The following ZIK1 variants were observed in gnomAD, a reference collection of about 807,000 sequenced individuals.
ZIK1 encodes the protein zinc finger protein interacting with ribonucleoprotein K.
ZIK1 carries 12 observed loss-of-function variants against 10.7 expected under a neutral mutation model. That is an observed-to-expected ratio of 1.12 (90% CI 0.72 to 1.81). ZIK1 has a LOEUF of 1.81. Ranked by LOEUF, ZIK1 falls within the 40% of genes most tolerant of loss-of-function variation. The pLI is 0.00. For missense variants in ZIK1, 497 were observed against 585.7 expected (o/e 0.85, Z 1.56); for synonymous variants, 190 against 205.0 (o/e 0.93, Z 0.63).
Position 57,590,039 on chromosome 19 carries a change from G to A in ZIK1, c.228G>A (p.Glu76=). 1 of 1,614,090 alleles carries A rather than the reference G, an allele frequency of 6.2e-7. No homozygotes were observed. Among genetic ancestry groups the A allele is most frequent in the Non-Finnish European group, 8.5e-7 (1 of 1,179,914 alleles). Residue 76 remains glutamate, a synonymous_variant, in exon 4 of 4, where the codon GAG becomes GAA. Coordinates refer to ENST00000597850, the MANE Select transcript of ZIK1 (RefSeq NM_001010879.4). The part of the protein sequence containing the change: ...LGCGHGTEDE[E]TPSDQNVSVG... ...GTGGCCATGGAACAGAGGATGAAGA[G>A]ACACCTTCTGACCAGAATGTTTCTG...
At chr19:57,588,940 C>T (rs778178935) in intron 3 of ZIK1, among the ~76,000 whole-genome samples, 3 of 152,048 alleles carry the variant, frequency 2.0e-5, no homozygotes, top group African/African-American at 7.2e-5. Context: ...CACCTTGTGT[C>T]CCAAGTTCCC....
rs1979699695 is a variant in ZIK1 at position 57,591,546 on chromosome 19, C to G, written c.*271C>G. 1 of 448,812 alleles carries G rather than the reference C, an allele frequency of 2.2e-6. No individual in the cohort carries two copies. Among genetic ancestry groups the G allele is most frequent in the African/African-American group, 1.9e-5 (1 of 51,936 alleles). The allele number at this position is 448,812 out of a possible 1,614,324, so 27.8% of individuals were successfully genotyped here. On this transcript the variant is annotated 3_prime_UTR_variant, in exon 4 of 4. Coordinates refer to ENST00000597850, the MANE Select transcript of ZIK1 (RefSeq NM_001010879.4). ...CTATGTGCTAAGACAAGGCAGACAT[C>G]TGTGTGTTCTCTTAAGTCTTTGGAG... is the stretch of plus-strand genomic sequence containing the variant.
Position 57,590,368 on chromosome 19 carries a change from T to TG in ZIK1, c.559dup (p.Val187GlyfsTer13), listed in dbSNP as rs772901405. On this transcript the variant is annotated frameshift_variant, in exon 4 of 4. Coordinates refer to ENST00000597850, the MANE Select transcript of ZIK1 (RefSeq NM_001010879.4). LOFTEE classifies it low-confidence loss of function (END_TRUNC). ...GCCATGTTGCGGCTTCTGAGGTCCC[T>TG]GGTCTTTCCTGGAGGCAAGAAACCC... 6.2e-7 allele frequency: 1 copy of TG among 1,614,220 alleles called. No homozygotes were observed. The highest frequency in any genetic ancestry group is 1.3e-5 in the African/African-American group (1 of 75,060).
In ZIK1 at chr19:57,589,268, A is replaced by G. The variant is rs1436327465; in HGVS notation, c.199+603A>G. On this transcript the variant is annotated intron_variant, in intron 3 of 3. Coordinates refer to ENST00000597850, the MANE Select transcript of ZIK1 (RefSeq NM_001010879.4). Reference sequence around the variant, plus strand: ...TTATAGGGTGAACATGGTCTCAGAGAAGGCCTGGGCTTGTTGAGTGGCAAC... The same window carrying G: ...TTATAGGGTGAACATGGTCTCAGAGGAGGCCTGGGCTTGTTGAGTGGCAAC... 6 of 985,126 alleles carry G rather than the reference A, an allele frequency of 6.1e-6. No individual in the cohort carries two copies. In the Admixed American group the frequency reaches 1.8e-4, roughly 30 times the overall value. 61.0% of individuals were successfully genotyped at this position (985,126 alleles called of 1,614,324 possible). A position where few individuals can be genotyped will look rare whatever the true frequency, so the allele number is the denominator to read the frequency against.
In ZIK1 at chr19:57,585,006, C is replaced by T; in HGVS notation, c.72+16C>T. On this transcript the variant is annotated intron_variant, in intron 2 of 3. Coordinates refer to ENST00000597850, the MANE Select transcript of ZIK1 (RefSeq NM_001010879.4). ...CCTCACAAAGGTGAGTGGAGGGTGT[C>T]CCAGGCCCTCACTGGTCCTGGCCCC... The T allele has an allele frequency of 6.2e-7, 1 of 1,612,178 alleles. No individual in the cohort carries two copies.
rs1477701151 is a variant in ZIK1, at chr19:57,584,952, G to T, written c.34G>T (p.Val12Phe). The T allele has an allele frequency of 5.6e-6, 9 of 1,613,906 alleles. No individual in the cohort carries two copies. The highest frequency in any genetic ancestry group is 5.9e-6 in the Non-Finnish European group (7 of 1,179,908). Residue 12 changes from valine (V) to phenylalanine (F), a missense_variant and splice_region_variant, in exon 2 of 4, where the codon GTT becomes TTT. By Grantham distance (50) the Val-to-Phe change is conservative. Transcript: ENST00000597850. ...AAAALRAPTQVTVSPETHMDL... is the reference protein window; with the variant it reads ...AAAALRAPTQFTVSPETHMDL... Reference sequence around the variant, plus strand: ...TTTCATGATCTTTGGCTTTCCACAGGTTACTGTGTCTCCAGAAACACATAT... The same window carrying T: ...TTTCATGATCTTTGGCTTTCCACAGTTTACTGTGTCTCCAGAAACACATAT...
Position 57,591,543 on chromosome 19 carries a change from C to T in ZIK1, c.*268C>T. 2.2e-6 allele frequency: 1 copy of T among 456,874 alleles called. No homozygotes were observed. Among genetic ancestry groups the T allele is most frequent in the South Asian group, 5.1e-5 (1 of 19,696 alleles). The allele number at this position is 456,874 out of a possible 1,614,324, so 28.3% of individuals were successfully genotyped here. A position where few individuals can be genotyped will look rare whatever the true frequency, so the allele number is the denominator to read the frequency against. ...CTCCTATGTGCTAAGACAAGGCAGA[C>T]ATCTGTGTGTTCTCTTAAGTCTTTG... is the stretch of plus-strand genomic sequence containing the variant. On this transcript the variant is annotated 3_prime_UTR_variant, in exon 4 of 4. Coordinates refer to ENST00000597850, the MANE Select transcript of ZIK1 (RefSeq NM_001010879.4).
At chr19:57,589,546 C>T (rs1327969180) in intron 3 of ZIK1, 1 of 985,412 alleles carries the variant, frequency 1.0e-6, no homozygotes, top group South Asian at 4.7e-5. Context: ...TTGACACACA[C>T]ATAATGTCTC....
chr19:57,584,811 G>A, intron 1 of ZIK1, 141 bp from the exon 2 acceptor site: 1 of 1,095,778 alleles, frequency 9.1e-7, no homozygotes. Context: ...AGTTGGCACT[G>A]AGGACTGGAA....
Position 57,584,272 on chromosome 19 carries a change from TCGG to T in ZIK1, c.-75_-73del. The T allele has an allele frequency of 4.0e-6, 6 of 1,516,136 alleles. No homozygotes were observed. Among genetic ancestry groups the T allele is most frequent in the East Asian group, 2.5e-5 (1 of 39,918 alleles). The allele number at this position is 1,516,136 out of a possible 1,614,324, so 93.9% of individuals were successfully genotyped here. ...CGCTGAACAGTGGGGGTTCTAAGGG[TCGG>T]CGGCGGCGGGGTTGACGGCTTTGCC... On this transcript the variant is annotated 5_prime_UTR_variant, in exon 1 of 4. Coordinates refer to ENST00000597850, the MANE Select transcript of ZIK1 (RefSeq NM_001010879.4).
In ZIK1 at chr19:57,584,223, A is replaced by G. The variant is rs1978917850; in HGVS notation, c.-134A>G. 3.5e-6 allele frequency: 5 copies of G among 1,433,544 alleles called. No homozygotes were observed. Among genetic ancestry groups the G allele is most frequent in the Non-Finnish European group, 4.6e-6 (5 of 1,089,328 alleles). The allele number at this position is 1,433,544 out of a possible 1,614,324, so 88.8% of individuals were successfully genotyped here. The stretch of plus-strand genomic sequence containing the variant: ...GAGCGCTTTGTTTGGCGACAGTCGG[A>G]AGGCGCGAGGGGAGGGGTCCTCCCG... On this transcript the variant is annotated 5_prime_UTR_variant, in exon 1 of 4. Coordinates refer to ENST00000597850, the MANE Select transcript of ZIK1 (RefSeq NM_001010879.4).
At chr19:57,589,890 G>A (rs1979497998) in intron 3 of ZIK1, 121 bp from the exon 4 acceptor site, 2 of 1,255,214 alleles carry the variant, frequency 1.6e-6, no homozygotes, top group Non-Finnish European at 2.2e-6. Flanking sequence ...TCCTCAACTT[G>A]CCCCCAGCTC....
Position 57,590,156 on chromosome 19 carries a change from A to C in ZIK1, c.345A>C (p.Leu115=). The C allele has an allele frequency of 6.2e-7, 1 of 1,614,230 alleles. No homozygotes were observed. Among genetic ancestry groups the C allele is most frequent in the Non-Finnish European group, 8.5e-7 (1 of 1,180,048 alleles). Residue 115 remains leucine, a synonymous_variant, in exon 4 of 4, where the codon CTA becomes CTC. Transcript: ENST00000597850. ...CAGTCCTGAAAGATATTTTGCATCT[A>C]GCTGATCTCCCTGGGCAGAAACCAT... ...CVPVLKDILH[L]ADLPGQKPYL...
chr19:57,589,491 A>G (rs764051454), intron 3 of ZIK1: 1 of 985,418 alleles, frequency 1.0e-6, no homozygotes, highest in Admixed American at 6.1e-5. Context: ...ATCTTCATGC[A>G]TCATCTGCTT....
At chr19:57,588,982 G>T (rs985165455) in intron 3 of ZIK1, among the ~76,000 whole-genome samples, 1 of 152,048 alleles carries the variant, frequency 6.6e-6, no homozygotes, top group Non-Finnish European at 1.5e-5. Context: ...ACATTTTCTT[G>T]TGGCTACCTG....
chr19:57,591,636 C>T lies in ZIK1; in HGVS notation c.*361C>T, dbSNP rs1004059981. On this transcript the variant is annotated 3_prime_UTR_variant, in exon 4 of 4. Coordinates refer to ENST00000597850, the MANE Select transcript of ZIK1 (RefSeq NM_001010879.4). ...CTTTTTTCTGACTGATCACAGCATA[C>T]GTGTGACCCAGTTTGGGTCAGGAGG... 6.1e-5 allele frequency: 12 copies of T among 197,650 alleles called. No homozygotes were observed. The highest frequency in any genetic ancestry group is 8.3e-5 in the Non-Finnish European group (8 of 96,116). 12.2% of individuals were successfully genotyped at this position (197,650 alleles called of 1,614,324 possible).
rs755212153 is a variant in ZIK1, at chr19:57,592,553, T to TA, written c.*1279dup. The TA allele has an allele frequency of 6.6e-6, 1 of 152,238 alleles. No individual in the cohort carries two copies. Among genetic ancestry groups the TA allele is most frequent in the Non-Finnish European group, 1.5e-5 (1 of 68,042 alleles). The allele number at this position is 152,238 out of a possible 1,614,324, so 9.4% of individuals were successfully genotyped here. A position where few individuals can be genotyped will look rare whatever the true frequency, so the allele number is the denominator to read the frequency against. On this transcript the variant is annotated 3_prime_UTR_variant, in exon 4 of 4. Transcript: ENST00000597850. ...AGGAGGATAAAGATAACAGAAGTCC[T>TA]ATAGGCCAGGGATGTATTGATAGCT... is the stretch of plus-strand genomic sequence containing the variant.
chr19:57,590,137 T>C lies in ZIK1; in HGVS notation c.326T>C (p.Leu109Pro), dbSNP rs1979526597. The C allele has an allele frequency of 1.1e-5, 17 of 1,614,204 alleles. No homozygotes were observed. Among genetic ancestry groups the C allele is most frequent in the Non-Finnish European group, 1.4e-5 (17 of 1,180,034 alleles). Residue 109 changes from leucine to proline, a missense_variant, in exon 4 of 4, where the codon CTG becomes CCG. Leu to Pro is a moderately conservative substitution (Grantham distance 98, BLOSUM62 -3). Transcript: ENST00000597850. ...TQSCEMCVPV[L>P]KDILHLADLP... ...TCCTGTGAGATGTGTGTCCCAGTCC[T>C]GAAAGATATTTTGCATCTAGCTGAT...
At chr19:57,587,311 TAAAG>T (rs1979252751) in intron 2 of ZIK1, among the ~76,000 whole-genome samples, 1 of 152,084 alleles carries the variant, frequency 6.6e-6, no homozygotes, top group South Asian at 2.1e-4. Context: ...GACATGGAGA[TAAAG>T]AAATAATTGG....
Sources: gnomAD v4.1 joint callset for allele counts (sites outside exome capture counted in the v4.1 genomes callset) on GRCh38, gnomAD v4.1.1 for gene constraint, MANE v1.5 for transcripts, NCBI Gene and HGNC (gene_info 2026-07-23, HGNC 2026-07-21) for gene names.